TSC2: variants seen among roughly 807,000 people sequenced by gnomAD.
TSC2 encodes the protein TSC complex subunit 2.
In TSC2, 29 loss-of-function variants were observed where a neutral mutation model predicts 202.2. That is an observed-to-expected ratio of 0.14 (90% CI 0.11 to 0.20). The LOEUF (loss-of-function observed/expected upper bound fraction) is 0.20. Among genes scored for constraint, TSC2 ranks in the 10% least tolerant of loss-of-function variants. The pLI, the probability that TSC2 is intolerant of heterozygous loss-of-function variation, is 1.00. For missense variants in TSC2, 2,429 were observed against 2,420.0 expected (o/e 1.00, Z -0.08); for synonymous variants, 1,349 against 1,044.0 (o/e 1.29, Z -5.63).
intron 6 of TSC2, 169 bp downstream of exon 6, chr16:2,055,688 C>T (rs1426609409): frequency 2.7e-5 from 18 of 663,300 alleles, no homozygotes; most frequent in African/African-American, 1.8e-4. Context: ...GTCAGGAGTT[C>T]GAGACCAGCC....
At position 2,081,640 on chromosome 16, in the gene TSC2, T is replaced by C; in HGVS notation, c.3656T>C (p.Phe1219Ser). 1 of 1,612,916 alleles carries C rather than the reference T, an allele frequency of 6.2e-7. No homozygotes were observed. The highest frequency in any genetic ancestry group is 8.5e-7 in the Non-Finnish European group (1 of 1,180,008). The change falls in exon 31 of 42, where the codon TTC becomes TCC. Residue 1219 changes from phenylalanine (F) to serine (S), a missense_variant. Transcript: ENST00000219476. ...AGCCTGGAGAACCCGCTCAGCCCTT[T>C]CTCCTCGGACATCAACAACATGCCC... ...LMSLENPLSP[F>S]SSDINNMPLQ...
chr16:2,052,143 T>G (rs372953030), intron 3 of TSC2, among the ~76,000 whole-genome samples: 4 of 152,000 alleles, frequency 2.6e-5, no homozygotes, highest in South Asian at 4.1e-4. Context: ...TGTGAGTGGA[T>G]AAATAGGCCT....
At chr16:2,053,625 G>T (rs534660426) in intron 4 of TSC2, 173 bp downstream of exon 4, 1 of 716,468 alleles carries the variant, frequency 1.4e-6, no homozygotes, top group East Asian at 2.7e-5. Context: ...CATGAGGTCT[G>T]TGTGACCGTA....
chr16:2,077,541 T>TC, intron 25 of TSC2, 57 bp from the exon 26 acceptor site: 1 of 1,610,298 alleles, frequency 6.2e-7, no homozygotes, highest in Non-Finnish European at 8.5e-7. Flanking sequence ...TGGCTTGTTC[T>TC]CCCCTTCCCG....
At chr16:2,081,559 A>G (rs747891233) in intron 30 of TSC2, 36 bp from the exon 31 acceptor site, 26 of 1,611,722 alleles carry the variant, frequency 1.6e-5, no homozygotes, top group Middle Eastern at 1.6e-4. Context: ...AAGGGGAGGT[A>G]CTGGCCTCAG....
At chr16:2,074,054 C>T (rs2088889337) in intron 21 of TSC2, 146 bp from the exon 22 acceptor site, 1 of 1,021,946 alleles carries the variant, frequency 9.8e-7, no homozygotes, top group South Asian at 1.4e-5. Flanking sequence ...TCGGGTAGCT[C>T]AGCACTGCTG....
At position 2,054,354 on chromosome 16, in the gene TSC2, C is replaced by G. The variant is rs137854391; in HGVS notation, c.395C>G (p.Ser132Cys). Reference protein sequence around the residue: ...LFFKVIKDYPSNEDLHERLEV... With the variant: ...LFFKVIKDYPCNEDLHERLEV... ...TTTAAGGTCATCAAGGATTACCCTT[C>G]CAACGAAGACCTTCACGAAAGGCTG... Residue 132 changes from serine to cysteine, a missense_variant, in exon 5 of 42, where the codon TCC (serine) becomes TGC (cysteine). Ser to Cys is a moderately radical substitution (Grantham distance 112, BLOSUM62 -1). Coordinates refer to ENST00000219476, the MANE Select transcript of TSC2 (RefSeq NM_000548.5). 33 of 1,614,092 alleles carry G rather than the reference C, an allele frequency of 2.0e-5. No individual in the cohort carries two copies. Among genetic ancestry groups the G allele is most frequent in the Non-Finnish European group, 2.4e-5 (28 of 1,180,032 alleles).
chr16:2,075,934 C>T lies in TSC2; in HGVS notation c.2639+42C>T, dbSNP rs201973730. The stretch of plus-strand genomic sequence containing the variant: ...GGCCCTGTGCCTCCCAGCCGTGGCC[C>T]CCGCTAGGCCTTGCGGCAGAAAGCC... On this transcript the variant is annotated intron_variant, in intron 23 of 41. Coordinates refer to ENST00000219476, the MANE Select transcript of TSC2 (RefSeq NM_000548.5). The T allele has an allele frequency of 2.9e-4, 462 of 1,612,546 alleles. No individual in the cohort carries two copies. The highest frequency in any genetic ancestry group is 1.4e-3 in the Admixed American group (87 of 60,016).
rs768318835 is a variant in TSC2, at chr16:2,080,340, C to T, written c.3573C>T (p.Thr1191=). The T allele has an allele frequency of 1.2e-6, 2 of 1,612,388 alleles. No individual in the cohort carries two copies. The highest frequency in any genetic ancestry group is 1.7e-5 in the Admixed American group (1 of 60,002). The change falls in exon 30 of 42, where the codon ACC becomes ACT. Residue 1191 remains threonine (T), a synonymous_variant. Transcript: ENST00000219476. ...TNLAAYVPLL[T]QGWAEILVRR... is the part of the protein sequence containing the mutation. ...TGGCGGCCTATGTGCCCCTGCTGACCCAGGGCTGGGCGGAGATCCTGGTCC... is the reference window on the plus strand; with the variant it reads ...TGGCGGCCTATGTGCCCCTGCTGACTCAGGGCTGGGCGGAGATCCTGGTCC...
chr16:2,083,161 CCT>C (rs1555513179), intron 32 of TSC2: 47 of 457,162 alleles, frequency 1.0e-4, no homozygotes, highest in Non-Finnish European at 1.8e-4. Flanking sequence ...TTCCTCTCCC[CCT>C]GTCCTGACGC....
At position 2,084,417 on chromosome 16, in the gene TSC2, G is replaced by T. The variant is rs45466399; in HGVS notation, c.4195G>T (p.Gly1399Trp). ...PELQTLQDIL[G>W]DPGDKADVGR... ...GCTGCAGACTCTGCAGGACATCCTC[G>T]GGGACCCTGGGGACAAGGCCGACGT... The change falls in exon 34 of 42, where the codon GGG (glycine) becomes TGG (tryptophan). Residue 1399 changes from glycine to tryptophan, a missense_variant. Transcript: ENST00000219476. The T allele has an allele frequency of 3.1e-6, 5 of 1,611,106 alleles. No individual in the cohort carries two copies. The highest frequency in any genetic ancestry group is 4.2e-6 in the Non-Finnish European group (5 of 1,179,362).
rs1555512392 is a variant in TSC2, at chr16:2,081,663, C to T, written c.3679C>T (p.Pro1227Ser). ...SPFSSDINNM[P>S]LQELSNALMA... ...TTTCTCCTCGGACATCAACAACATG[C>T]CCCTGCAGGAGCTGTCTAACGCCCT... Residue 1227 changes from proline (P) to serine (S), a missense_variant, in exon 31 of 42, where the codon CCC (proline) becomes TCC (serine). Pro to Ser is a moderately conservative substitution (Grantham distance 74). Coordinates refer to ENST00000219476, the MANE Select transcript of TSC2 (RefSeq NM_000548.5). The T allele has an allele frequency of 2.5e-6, 4 of 1,612,970 alleles. No individual in the cohort carries two copies. The highest frequency in any genetic ancestry group is 3.4e-6 in the Non-Finnish European group (4 of 1,180,020).
At chr16:2,076,002 G>C (rs2089296609) in intron 23 of TSC2, 66 bp from the exon 24 acceptor site, 7 of 1,612,838 alleles carry the variant, frequency 4.3e-6, no homozygotes, top group Middle Eastern at 1.6e-4. Context: ...TCGGTTTTTT[G>C]CACTTCATGC....
rs1232454175 is a variant in TSC2 at position 2,076,595 on chromosome 16, G to A, written c.2837+10G>A. The stretch of plus-strand genomic sequence containing the variant: ...ACGAGAGACCCAAGAGGTACGGCCT[G>A]CGGGGGTGTGCCTGGAGTCGGTGTG... On this transcript the variant is annotated intron_variant, in intron 25 of 41. Transcript: ENST00000219476. 4 of 1,612,762 alleles carry A rather than the reference G, an allele frequency of 2.5e-6. No homozygotes were observed. The highest frequency in any genetic ancestry group is 1.3e-5 in the African/African-American group (1 of 74,914).
intron 17 of TSC2, 27 bp downstream of exon 17, chr16:2,070,605 G>C (rs2151283149): frequency 6.2e-7 from 1 of 1,612,682 alleles, no homozygotes; most frequent in Non-Finnish European, 8.5e-7. Flanking sequence ...TGCGCAGCCA[G>C]TTCCTGGGGG....
At chr16:2,076,741 ACCCCTCAG>A (rs576003937) in intron 25 of TSC2, 156 bp downstream of exon 25, 5 of 751,274 alleles carry the variant, frequency 6.7e-6, no homozygotes, top group Non-Finnish European at 6.6e-6. Flanking sequence ...GGCCGCTAAC[ACCCCTCAG>A]CCCCTCAGCA....
intron 5 of TSC2, chr16:2,054,863 C>T: frequency 3.0e-6 from 1 of 337,194 alleles, no homozygotes; most frequent in East Asian, 7.8e-5. Flanking sequence ...GTCTCTGTGT[C>T]ATGATTCTGG....
chr16:2,063,984 G>A (rs555751096), intron 14 of TSC2: 65 of 514,786 alleles, frequency 1.3e-4, no homozygotes, highest in African/African-American at 1.2e-3. Context: ...ACAGTGAAGG[G>A]CAGGGCCTCA....
chr16:2,055,122 C>A (rs2085607018), intron 5 of TSC2: 1 of 517,286 alleles, frequency 1.9e-6, no homozygotes, highest in Non-Finnish European at 3.5e-6. Context: ...TCGGGTTGGG[C>A]CCTGAGTGTA....
Sources: allele counts gnomAD v4.1 joint callset (sites outside exome capture counted in the v4.1 genomes callset), GRCh38; gene constraint gnomAD v4.1.1; transcripts MANE v1.5; gene names NCBI Gene and HGNC (gene_info 2026-07-23, HGNC 2026-07-21).